The following SCHIP1 variants were observed in gnomAD, a reference collection of about 807,000 sequenced individuals.
The protein encoded by SCHIP1 is schwannomin-interacting protein 1.
Under a neutral mutation model 29.7 loss-of-function variants are expected in SCHIP1, and 8 were observed. The observed-to-expected ratio is 0.27, with a 90% CI of 0.16 to 0.49. The LOEUF is 0.49. Ranked by LOEUF, SCHIP1 falls within the 20% of genes least tolerant of loss-of-function variation. The pLI, the probability that SCHIP1 is intolerant of heterozygous loss-of-function variation, is 0.99. For synonymous variants in SCHIP1, 76 were observed against 94.9 expected (o/e 0.80, Z 1.16); for missense variants, 193 against 294.6 (o/e 0.66, Z 2.52).
At chr3:159,690,807 GTTGGCTT>G in the SCHIP1 span, among the ~76,000 whole-genome samples, 10 of 152,068 alleles carry the variant, frequency 6.6e-5, no homozygotes, top group Non-Finnish European at 1.3e-4. Context: ...CTTTGTTCTT[GTTGGCTT>G]CAAAGAACTT....
chr3:159,410,891 T>A, the SCHIP1 span, among the ~76,000 whole-genome samples: 1 of 152,034 alleles, frequency 6.6e-6, no homozygotes, highest in South Asian at 2.1e-4. Context: ...CATCACTAGA[T>A]GAATGGATAA....
chr3:159,362,834 A>G, the SCHIP1 span, among the ~76,000 whole-genome samples: 2 of 152,142 alleles, frequency 1.3e-5, no homozygotes, highest in Non-Finnish European at 2.9e-5. Flanking sequence ...GCCCCTGAAG[A>G]CTGGTCACTT....
At chr3:159,769,225 T>A in the SCHIP1 span, among the ~76,000 whole-genome samples, 1 of 131,310 alleles carries the variant, frequency 7.6e-6, no homozygotes, top group Non-Finnish European at 1.6e-5. Flanking sequence ...CCTTAGTGCA[T>A]CACTGTAGCC....
At chr3:159,370,791 C>T in the SCHIP1 span, among the ~76,000 whole-genome samples, 1 of 152,258 alleles carries the variant, frequency 6.6e-6, no homozygotes, top group Admixed American at 6.5e-5. Context: ...TCCAGAATTA[C>T]ATCAGTGCCC....
chr3:159,788,307 G>T, the SCHIP1 span, among the ~76,000 whole-genome samples: 1 of 152,208 alleles, frequency 6.6e-6, no homozygotes, highest in Non-Finnish European at 1.5e-5. Flanking sequence ...TACTGATAGG[G>T]ATCTACTCTA....
chr3:159,459,574 G>A, the SCHIP1 span, among the ~76,000 whole-genome samples: 1 of 151,766 alleles, frequency 6.6e-6, no homozygotes, highest in African/African-American at 2.4e-5. Flanking sequence ...AAAAAAATGT[G>A]ATGCGGCTGT....
chr3:159,892,522 G>A (rs879272010), intron 6 of SCHIP1: 2 of 512,826 alleles, frequency 3.9e-6, no homozygotes, highest in East Asian at 6.3e-5. Flanking sequence ...ATGTCATGCT[G>A]GCATGTTTCC....
At chr3:159,317,045 T>C in the SCHIP1 span, among the ~76,000 whole-genome samples, 1 of 152,198 alleles carries the variant, frequency 6.6e-6, no homozygotes, top group African/African-American at 2.4e-5. Context: ...CCTTCATACC[T>C]GAAAGGTCTG....
chr3:159,805,808 C>CTTTT, the SCHIP1 span, among the ~76,000 whole-genome samples: 1 of 139,188 alleles, frequency 7.2e-6, no homozygotes. Context: ...AATTGTACTC[C>CTTTT]TTTTTTTTTT....
upstream of SCHIP1, chr3:159,839,724 C>A: frequency 5.3e-6 from 1 of 189,280 alleles, no homozygotes; most frequent in African/African-American, 2.8e-5. Context: ...AAATGTTCAA[C>A]TGCAACATTG....
At chr3:159,454,064 C>G in the SCHIP1 span, among the ~76,000 whole-genome samples, 3 of 152,168 alleles carry the variant, frequency 2.0e-5, no homozygotes, top group Non-Finnish European at 4.4e-5. Flanking sequence ...CTTAGACTCT[C>G]AAAATTCACA....
the SCHIP1 span, among the ~76,000 whole-genome samples, chr3:159,422,604 C>A: frequency 6.6e-6 from 1 of 152,196 alleles, no homozygotes; most frequent in Non-Finnish European, 1.5e-5. Flanking sequence ...CTTCCAATCA[C>A]TGCCCACCCT....
the SCHIP1 span, among the ~76,000 whole-genome samples, chr3:159,432,175 G>A: frequency 1.3e-5 from 2 of 152,056 alleles, no homozygotes; most frequent in African/African-American, 4.8e-5. Flanking sequence ...TCACACAACA[G>A]AAGTTACTGC....
the SCHIP1 span, among the ~76,000 whole-genome samples, chr3:159,550,075 T>C: frequency 1.4e-4 from 22 of 151,962 alleles, no homozygotes; most frequent in African/African-American, 5.1e-4. Context: ...TAAGATATCT[T>C]AAGAAAATTA....
At chr3:159,648,381 G>T in the SCHIP1 span, among the ~76,000 whole-genome samples, 3 of 152,064 alleles carry the variant, frequency 2.0e-5, no homozygotes, top group African/African-American at 7.2e-5. Flanking sequence ...ATAAACTTCA[G>T]TGAGTTTCTT....
At chr3:159,367,118 C>T in the SCHIP1 span, among the ~76,000 whole-genome samples, 1 of 152,156 alleles carries the variant, frequency 6.6e-6, no homozygotes, top group East Asian at 1.9e-4. Context: ...CATACCCAAC[C>T]TATCTCAAAC....
the SCHIP1 span, among the ~76,000 whole-genome samples, chr3:159,543,712 T>A: frequency 2.6e-5 from 4 of 152,220 alleles, 1 homozygote; most frequent in Admixed American, 2.6e-4. Flanking sequence ...GCATGATTTA[T>A]AATCCTTTGG....
At chr3:159,577,316 G>C in the SCHIP1 span, among the ~76,000 whole-genome samples, 28 of 152,132 alleles carry the variant, frequency 1.8e-4, no homozygotes, top group African/African-American at 5.6e-4. Context: ...TTTACACTCT[G>C]TGCTTTATCT....
the SCHIP1 span, among the ~76,000 whole-genome samples, chr3:159,390,906 A>G: frequency 2.0e-5 from 3 of 152,186 alleles, no homozygotes; most frequent in Non-Finnish European, 4.4e-5. Context: ...ACAGAACTCA[A>G]TCTGTACAGC....
Sources: allele counts gnomAD v4.1 joint callset (sites outside exome capture counted in the v4.1 genomes callset), GRCh38; gene constraint gnomAD v4.1.1; transcripts MANE v1.5; gene names NCBI Gene and HGNC (gene_info 2026-07-23, HGNC 2026-07-21).